The following TDRD7 variants were observed in gnomAD, a reference collection of about 807,000 sequenced individuals.
TDRD7 encodes the protein tudor domain-containing protein 7.
Under a neutral mutation model 109.8 loss-of-function variants are expected in TDRD7, and 47 were observed. The ratio of observed to expected loss-of-function variants is 0.43; its 90% CI spans 0.34 to 0.55. The LOEUF (loss-of-function observed/expected upper bound fraction) is 0.55, where lower values mean the gene tolerates loss of function less well. Ranked by LOEUF, TDRD7 falls within the 20% of genes least tolerant of loss-of-function variation. The pLI is 0.03. For synonymous variants in TDRD7, 424 were observed against 457.3 expected, an observed-to-expected ratio of 0.93 and a Z score of 0.93; for missense variants, 1,164 against 1,319.2, an observed-to-expected ratio of 0.88 and a Z score of 1.82.
chr9:97,429,768 T>C (rs1230548487), intron 2 of TDRD7, among the ~76,000 whole-genome samples: 1 of 152,210 alleles, frequency 6.6e-6, no homozygotes, highest in Non-Finnish European at 1.5e-5. Context: ...CTTGCTTCTC[T>C]CTTTTTCCTC....
intron 7 of TDRD7, 67 bp from the exon 8 acceptor site, chr9:97,464,775 A>C: frequency 6.3e-7 from 1 of 1,585,324 alleles, no homozygotes; most frequent in South Asian, 1.1e-5. Flanking sequence ...AAGGACAAAA[A>C]CGAATTCCTA....
intron 16 of TDRD7, among the ~76,000 whole-genome samples, chr9:97,491,449 A>G (rs1469091344): frequency 1.3e-5 from 2 of 151,822 alleles, no homozygotes; most frequent in Non-Finnish European, 2.9e-5. Context: ...CTTCCATATC[A>G]CTTGTAGTTC....
At chr9:97,452,802 C>T (rs772552413) in intron 6 of TDRD7, among the ~76,000 whole-genome samples, 5 of 152,212 alleles carry the variant, frequency 3.3e-5, no homozygotes, top group Non-Finnish European at 7.3e-5. Flanking sequence ...TGCTCTTGCC[C>T]TGGACCAACT....
rs528260770 is a variant in TDRD7, at chr9:97,439,876, G to C, written c.637+558G>C. ...TATAAGTCAAAGAATCTGAAGGTTA[G>C]AAATGCAACCACTTGTTATCTTTTC... On this transcript the variant is annotated intron_variant, in intron 5 of 16. Transcript: ENST00000355295. Among the ~76,000 whole-genome samples the C allele has an allele frequency of 3.9e-5, 6 of 152,310 alleles. No individual in the cohort carries two copies. In the South Asian group the frequency reaches 1.2e-3, roughly 32 times the overall value.
chr9:97,471,465 A>G (rs1237719078), intron 9 of TDRD7, among the ~76,000 whole-genome samples: 2 of 152,214 alleles, frequency 1.3e-5, no homozygotes, highest in Non-Finnish European at 2.9e-5. Flanking sequence ...TTGGTGTTGG[A>G]AAGAACGTAT....
chr9:97,468,179 A>G (rs1479062116), intron 8 of TDRD7, among the ~76,000 whole-genome samples: 1 of 152,250 alleles, frequency 6.6e-6, no homozygotes, highest in African/African-American at 2.4e-5. Flanking sequence ...TGCTATGTGA[A>G]ATCACAGGAC....
At chr9:97,455,038 G>A (rs986225099) in intron 6 of TDRD7, among the ~76,000 whole-genome samples, 6 of 151,996 alleles carry the variant, frequency 3.9e-5, no homozygotes, top group Admixed American at 1.3e-4. Flanking sequence ...TCAGAGAATA[G>A]TATAAACACC....
At chr9:97,424,202 A>G (rs1297773613) in intron 1 of TDRD7, among the ~76,000 whole-genome samples, 1 of 151,530 alleles carries the variant, frequency 6.6e-6, no homozygotes, top group Non-Finnish European at 1.5e-5. Flanking sequence ...TACAGGCACG[A>G]ACCACCACGT....
intron 6 of TDRD7, among the ~76,000 whole-genome samples, chr9:97,457,830 C>T (rs562917310): frequency 1.3e-5 from 2 of 152,226 alleles, no homozygotes; most frequent in South Asian, 4.1e-4. Context: ...TATCTCCTTG[C>T]GGGGACATGG....
intron 5 of TDRD7, among the ~76,000 whole-genome samples, chr9:97,439,706 A>G (rs1828265597): frequency 6.6e-6 from 1 of 152,222 alleles, no homozygotes; most frequent in Non-Finnish European, 1.5e-5. Flanking sequence ...ACTTAAATTT[A>G]TAAAAGAGTT....
chr9:97,414,591 T>A (rs373500007), intron 1 of TDRD7, among the ~76,000 whole-genome samples: 1 of 152,136 alleles, frequency 6.6e-6, no homozygotes, highest in Non-Finnish European at 1.5e-5. Context: ...TATCTCAGGG[T>A]TTTTTCGTCT....
chr9:97,493,478 A>G (rs763283059), intron 16 of TDRD7, among the ~76,000 whole-genome samples: 3 of 152,120 alleles, frequency 2.0e-5, no homozygotes, highest in Non-Finnish European at 4.4e-5. Context: ...AGGTAATAAG[A>G]TATCACAAGG....
At chr9:97,414,760 T>G (rs1163048186) in intron 1 of TDRD7, among the ~76,000 whole-genome samples, 2 of 152,202 alleles carry the variant, frequency 1.3e-5, no homozygotes, top group East Asian at 3.8e-4. Context: ...ATTAATCATC[T>G]TTTTCCTTTA....
At chr9:97,424,148 A>G (rs62557498) in intron 1 of TDRD7, among the ~76,000 whole-genome samples, 10,753 of 140,394 alleles carry the variant, frequency 0.077, 626 homozygotes, top group African/African-American at 0.18. Flanking sequence ...CCACCGCCTG[A>G]GTTCAAGCAA....
chr9:97,487,890 T>A (rs765569229), intron 16 of TDRD7, among the ~76,000 whole-genome samples: 34 of 152,302 alleles, frequency 2.2e-4, no homozygotes, highest in Admixed American at 3.9e-4. Flanking sequence ...TAATAGAGTA[T>A]TATGCAATCT....
chr9:97,470,606 G>A lies in TDRD7; in HGVS notation c.1678G>A (p.Ala560Thr). ...GFSENVEKSK[A>T]YKLNPKFCSL... is the part of the protein sequence containing the mutation. ...TAGTGAAAATGTTGAAAAAAGCAAAGCATACAAATTAAACCCGAAGTTTTG... is the reference window on the plus strand; with the variant it reads ...TAGTGAAAATGTTGAAAAAAGCAAAACATACAAATTAAACCCGAAGTTTTG... The change falls in exon 9 of 17, where the codon GCA (alanine) becomes ACA (threonine). Residue 560 changes from alanine (A) to threonine (T), a missense_variant. This residue lies in a region of TDRD7 where 261 missense variants were observed against 336.2 expected (regional missense o/e 0.78). Coordinates refer to ENST00000355295, the MANE Select transcript of TDRD7 (RefSeq NM_014290.3). 1 of 1,613,884 alleles carries A rather than the reference G, an allele frequency of 6.2e-7. No homozygotes were observed. Among genetic ancestry groups the A allele is most frequent in the Non-Finnish European group, 8.5e-7 (1 of 1,179,910 alleles).
chr9:97,491,549 G>A (rs1829309444), intron 16 of TDRD7, among the ~76,000 whole-genome samples: 1 of 152,122 alleles, frequency 6.6e-6, no homozygotes, highest in Admixed American at 6.5e-5. Context: ...GTGTGTCTGG[G>A]GTGTGAGGGA....
chr9:97,412,961 G>GTA lies in TDRD7; in HGVS notation c.-7+727_-7+728dup, dbSNP rs1454747906. Among the ~76,000 whole-genome samples the GTA allele has an allele frequency of 2.0e-5, 3 of 152,148 alleles. No individual in the cohort carries two copies. Among genetic ancestry groups the GTA allele is most frequent in the Non-Finnish European group, 2.9e-5 (2 of 68,028 alleles). ...CTTTCTGCTCCCATTCACTTGAGAG[G>GTA]TATATTTCCATTAATAGCTAAAGGT... On this transcript the variant is annotated intron_variant, in intron 1 of 16. Coordinates refer to ENST00000355295, the MANE Select transcript of TDRD7 (RefSeq NM_014290.3). The surrounding 1 kb of genome is among the most constrained non-coding windows in gnomAD (Gnocchi z 4.3).
intron 4 of TDRD7, among the ~76,000 whole-genome samples, chr9:97,437,038 C>A (rs1031518409): frequency 2.0e-5 from 3 of 152,262 alleles, no homozygotes; most frequent in African/African-American, 7.2e-5. Context: ...TTTTATTATA[C>A]CTACTGCCCT....
Sources: gnomAD v4.1 joint callset for allele counts (sites outside exome capture counted in the v4.1 genomes callset) on GRCh38, gnomAD v4.1.1 for gene constraint, gnomAD v4.1.1 regional missense constraint, Gnocchi (gnomAD v3.1) non-coding constraint, MANE v1.5 for transcripts, NCBI Gene and HGNC (gene_info 2026-07-23, HGNC 2026-07-21) for gene names.